MBD5: variants seen among roughly 807,000 people sequenced by gnomAD.
MBD5 encodes the protein methyl-CpG-binding domain protein 5.
A neutral mutation model predicts 117.3 loss-of-function variants in MBD5; 13 were observed. That is an observed-to-expected ratio of 0.11 (90% CI 0.07 to 0.18). The LOEUF is 0.18. Ranked by LOEUF, MBD5 falls within the 10% of genes least tolerant of loss-of-function variation. The pLI is 1.00. For synonymous variants in MBD5, 727 were observed against 766.4 expected (o/e 0.95, Z 0.85); for missense variants, 1,879 against 2,093.8 (o/e 0.90, Z 2.00).
chr2:148,258,149 A>T (rs1183272652), intron 3 of MBD5, among the ~76,000 whole-genome samples: 1 of 152,092 alleles, frequency 6.6e-6, no homozygotes, highest in African/African-American at 2.4e-5. Flanking sequence ...GAGGCTGGTG[A>T]TGTGTATGTC....
At chr2:148,345,713 A>G (rs1480927249) in intron 4 of MBD5, among the ~76,000 whole-genome samples, 1 of 149,330 alleles carries the variant, frequency 6.7e-6, no homozygotes, top group African/African-American at 2.4e-5. Flanking sequence ...TATATATTAT[A>G]TATATATGGA....
At chr2:148,091,119 C>G (rs1326728219) in intron 1 of MBD5, among the ~76,000 whole-genome samples, 1 of 151,994 alleles carries the variant, frequency 6.6e-6, no homozygotes, top group East Asian at 1.9e-4. Flanking sequence ...GGTGAAAGGC[C>G]TCTACAAGGA....
chr2:148,330,131 CAA>C (rs1444936891), intron 3 of MBD5, among the ~76,000 whole-genome samples: 1 of 78,454 alleles, frequency 1.3e-5, no homozygotes, highest in East Asian at 4.4e-4. Flanking sequence ...TACCTTAGGC[CAA>C]AAAAGGGTAT....
intron 2 of MBD5, among the ~76,000 whole-genome samples, chr2:148,223,420 C>G: frequency 6.6e-6 from 1 of 152,134 alleles, no homozygotes; most frequent in Non-Finnish European, 1.5e-5. Context: ...GACTTTATTA[C>G]AGCTTCAATC....
At chr2:148,340,353 T>C (rs1449795231) in intron 3 of MBD5, among the ~76,000 whole-genome samples, 1 of 152,174 alleles carries the variant, frequency 6.6e-6, no homozygotes, top group Non-Finnish European at 1.5e-5. Flanking sequence ...TTGTTAAATT[T>C]AGGCTAAATA....
At chr2:148,429,902 G>A (rs1019626079) in intron 4 of MBD5, among the ~76,000 whole-genome samples, 1 of 151,658 alleles carries the variant, frequency 6.6e-6, no homozygotes, top group Non-Finnish European at 1.5e-5. Context: ...GGAGATGATG[G>A]GTTGATGGGT....
chr2:148,057,140 CT>C (rs1477230770), intron 1 of MBD5, among the ~76,000 whole-genome samples: 2 of 151,580 alleles, frequency 1.3e-5, no homozygotes, highest in Non-Finnish European at 3.0e-5. Context: ...TTTTATTAAT[CT>C]TTTTGAAAAG....
intron 3 of MBD5, among the ~76,000 whole-genome samples, chr2:148,297,232 T>C (rs1340901865): frequency 6.6e-6 from 1 of 152,192 alleles, no homozygotes; most frequent in Non-Finnish European, 1.5e-5. Context: ...ACTTTCTAGA[T>C]AGCATATTGT....
chr2:148,458,684 G>A lies in MBD5; in HGVS notation c.-75G>A. 7.6e-7 allele frequency: 1 copy of A among 1,312,396 alleles called. No individual in the cohort carries two copies. Among genetic ancestry groups the A allele is most frequent in the Non-Finnish European group, 1.1e-6 (1 of 907,134 alleles). 81.3% of individuals were successfully genotyped at this position (1,312,396 alleles called of 1,614,324 possible). A position where few individuals can be genotyped will look rare whatever the true frequency, so the allele number is the denominator to read the frequency against. On this transcript the variant is annotated 5_prime_UTR_variant, in exon 5 of 14. Coordinates refer to ENST00000642680, the MANE Select transcript of MBD5 (RefSeq NM_001378120.1). ...TGTGCTGCACTGGCCCACTTTTGAA[G>A]GCCATCATGCTCTGTAATATAAGGA...
rs1384286754 is a variant in MBD5 at position 148,406,734 on chromosome 2, A to G, written c.-556-51469A>G. Among the ~76,000 whole-genome samples, 3 of 152,280 alleles carry G rather than the reference A, an allele frequency of 2.0e-5. No homozygotes were observed. The East Asian group carries it at 5.8e-4, about 29-fold the overall frequency. ...ACAGTGAATTCTTCCTTCAGCTTCT[A>G]AAACATACCTACCCAGCTTTTGTCC... On this transcript the variant is annotated intron_variant, in intron 4 of 13. Transcript: ENST00000642680.
At position 148,286,753 on chromosome 2, in the gene MBD5, C is replaced by A. The variant is rs962691642; in HGVS notation, c.-680+53358C>A. On this transcript the variant is annotated intron_variant, in intron 3 of 13. Transcript: ENST00000642680. Reference sequence around the variant, plus strand: ...TGTTATTATCTAAGAATAATTGCAGCCAGGACAAGGAATCTAAATGAAATA... The same window carrying A: ...TGTTATTATCTAAGAATAATTGCAGACAGGACAAGGAATCTAAATGAAATA... Among the ~76,000 whole-genome samples, 11 of 152,076 alleles carry A rather than the reference C, an allele frequency of 7.2e-5. No individual in the cohort carries two copies. In the East Asian group the frequency reaches 1.2e-3, roughly 16 times the overall value.
intron 4 of MBD5, among the ~76,000 whole-genome samples, chr2:148,454,979 T>C (rs1473029962): frequency 6.6e-6 from 1 of 152,166 alleles, no homozygotes; most frequent in Non-Finnish European, 1.5e-5. Context: ...ATTTTTCTAA[T>C]CTGTGAGCAT....
At position 148,483,897 on chromosome 2, in the gene MBD5, T is replaced by C; in HGVS notation, c.3306T>C (p.Ala1102=). 6.4e-7 allele frequency: 1 copy of C among 1,550,588 alleles called. No homozygotes were observed. The highest frequency in any genetic ancestry group is 8.7e-7 in the Non-Finnish European group (1 of 1,146,978). The change falls in exon 9 of 14, where the codon GCT becomes GCC. Residue 1102 remains alanine (A), a synonymous_variant. Coordinates refer to ENST00000642680, the MANE Select transcript of MBD5 (RefSeq NM_001378120.1). ...TGAACTCGGCATCGGCCAACACCGC[T>C]AATCATCCAGAGGTTTCCATAGCAA... ...GVLNSASANT[A]NHPEVSIATS...
At chr2:148,258,965 G>A (rs1700666262) in intron 3 of MBD5, among the ~76,000 whole-genome samples, 1 of 152,158 alleles carries the variant, frequency 6.6e-6, no homozygotes, top group Non-Finnish European at 1.5e-5. Context: ...GGGGACAGCA[G>A]CTAGGGAGTC....
chr2:148,240,194 A>C (rs1420013065), intron 3 of MBD5, among the ~76,000 whole-genome samples: 2 of 152,046 alleles, frequency 1.3e-5, no homozygotes. Flanking sequence ...GCATGTTCTC[A>C]CTCACAGGTG....
At chr2:148,249,386 A>G (rs1476157133) in intron 3 of MBD5, among the ~76,000 whole-genome samples, 9 of 152,170 alleles carry the variant, frequency 5.9e-5, no homozygotes. Context: ...CACTGCCATG[A>G]GTTCTTCAGT....
At chr2:148,428,775 G>T (rs1284386694) in intron 4 of MBD5, among the ~76,000 whole-genome samples, 4 of 152,168 alleles carry the variant, frequency 2.6e-5, no homozygotes, top group Non-Finnish European at 5.9e-5. Context: ...ATGGTGTTGG[G>T]AAAACTAGCT....
At chr2:148,475,416 C>G (rs1170691012) in intron 8 of MBD5, among the ~76,000 whole-genome samples, 3 of 151,748 alleles carry the variant, frequency 2.0e-5, no homozygotes, top group Non-Finnish European at 4.4e-5. Context: ...GGTTTCACCA[C>G]TTATTTTGTT....
intron 1 of MBD5, among the ~76,000 whole-genome samples, chr2:148,090,470 G>A (rs1339004269): frequency 1.3e-5 from 2 of 152,014 alleles, no homozygotes; most frequent in East Asian, 3.9e-4. Flanking sequence ...GAATCCAACG[G>A]CATATCAAAA....
Sources: allele counts gnomAD v4.1 joint callset (sites outside exome capture counted in the v4.1 genomes callset), GRCh38; gene constraint gnomAD v4.1.1; transcripts MANE v1.5; gene names NCBI Gene and HGNC (gene_info 2026-07-23, HGNC 2026-07-21).